The following MARVELD3 variants were observed in gnomAD, a reference collection of about 807,000 sequenced individuals.
MARVELD3 encodes the protein MARVEL domain-containing protein 3.
MARVELD3 carries 28 observed loss-of-function variants against 33.5 expected under a neutral mutation model. The observed-to-expected ratio is 0.84, with a 90% CI of 0.62 to 1.15. The LOEUF is 1.15. MARVELD3 is among the 50% of genes most tolerant of loss of function. The probability of loss-of-function intolerance (pLI) is 0.00; values close to 1 mark genes in which losing one functional copy is unlikely to be tolerated. For synonymous variants in MARVELD3, 241 were observed against 230.4 expected (o/e 1.05, Z -0.42); for missense variants, 582 against 547.6 (o/e 1.06, Z -0.63).
At position 71,626,355 on chromosome 16, in the gene MARVELD3, C is replaced by A. The variant is rs2044467930; in HGVS notation, c.126C>A (p.Arg42=). The change falls in exon 1 of 3, where the codon CGC becomes CGA. Residue 42 remains arginine, a synonymous_variant. Transcript: ENST00000268485. This position sits in a 1 kb window ranked among gnomAD's most constrained non-coding sequence, Gnocchi z 5.3. ...CGCGGGACCGACCCGGGGACCCGCG[C>A]AGGAAGCGAAGCAGCGACGGGAACC... ...DRPRDRPGDP[R]RKRSSDGNRR... is the part of the protein sequence containing the mutation. The A allele has an allele frequency of 5.8e-6, 9 of 1,548,024 alleles. No individual in the cohort carries two copies. The highest frequency in any genetic ancestry group is 7.0e-6 in the Non-Finnish European group (8 of 1,146,720).
At chr16:71,640,819 C>T (rs1254924175), downstream of MARVELD3, 28 of 1,614,246 alleles carry the variant, frequency 1.7e-5, no homozygotes, top group Non-Finnish European at 2.4e-5. Flanking sequence ...AGGCTCTATG[C>T]CCGCAAGGGT....
chr16:71,640,539 C>T, downstream of MARVELD3: 3 of 1,614,190 alleles, frequency 1.9e-6, no homozygotes, highest in Non-Finnish European at 2.5e-6. Context: ...GGGCACTGAG[C>T]TAGAGCAGGT....
At position 71,626,776 on chromosome 16, in the gene MARVELD3, C is replaced by A; in HGVS notation, c.467+80C>A. ...CCGGCCCGCGAGGCCCTGGCGTCCC[C>A]GGGTTCTCGTCCTAGGAGCCCGTTT... On this transcript the variant is annotated intron_variant, in intron 1 of 2. Transcript: ENST00000268485. The surrounding 1 kb of genome is among the most constrained non-coding windows in gnomAD (Gnocchi z 5.3). 8.2e-7 allele frequency: 1 copy of A among 1,212,594 alleles called. No individual in the cohort carries two copies. The highest frequency in any genetic ancestry group is 1.1e-6 in the Non-Finnish European group (1 of 925,834). The allele number at this position is 1,212,594 out of a possible 1,614,324, so 75.1% of individuals were successfully genotyped here.
In MARVELD3 at chr16:71,634,829, G is replaced by C. The variant is rs1054165903; in HGVS notation, c.*26G>C. On this transcript the variant is annotated 3_prime_UTR_variant, in exon 3 of 3. Transcript: ENST00000268485. ...GGGTTTCTAAAACGCTCTGACAGAT[G>C]CAAGTGGTGGTGGAAGGTAGTCTGA... 4.5e-6 allele frequency: 7 copies of C among 1,551,542 alleles called. No homozygotes were observed. Among genetic ancestry groups the C allele is most frequent in the South Asian group, 1.2e-5 (1 of 80,392 alleles).
In MARVELD3 at chr16:71,629,453, T is replaced by C; in HGVS notation, c.554T>C (p.Leu185Pro). The C allele has an allele frequency of 6.3e-7, 1 of 1,577,566 alleles. No homozygotes were observed. The highest frequency in any genetic ancestry group is 8.6e-7 in the Non-Finnish European group (1 of 1,165,986). ...TATTACCAGTCAGAGGCGGAAGGACTCCTGGAATGCCACAAATGCAAATAC... is the reference window on the plus strand; with the variant it reads ...TATTACCAGTCAGAGGCGGAAGGACCCCTGGAATGCCACAAATGCAAATAC... ...VEYYQSEAEG[L>P]LECHKCKYLC... Residue 185 changes from leucine to proline, a missense_variant, in exon 2 of 3, where the codon CTC becomes CCC. Transcript: ENST00000268485.
chr16:71,633,568 A>AT (rs1275909170), intron 2 of MARVELD3, among the ~76,000 whole-genome samples: 1 of 151,322 alleles, frequency 6.6e-6, no homozygotes, highest in Non-Finnish European at 1.5e-5. Flanking sequence ...TAATTTTTGT[A>AT]TTTTTTAGTA....
At chr16:71,640,513 A>T, downstream of MARVELD3, 1 of 1,614,086 alleles carries the variant, frequency 6.2e-7, no homozygotes. Flanking sequence ...GGGAACAACT[A>T]CTACTCACCG....
downstream of MARVELD3, chr16:71,640,255 A>T: frequency 1.0e-6 from 1 of 977,246 alleles, no homozygotes; most frequent in Non-Finnish European, 1.5e-6. Flanking sequence ...TGACAGAGTG[A>T]CACCGTCTCA....
intron 2 of MARVELD3, 94 bp from the exon 3 acceptor site, chr16:71,634,099 G>A (rs967605214): frequency 8.4e-5 from 129 of 1,526,910 alleles, no homozygotes; most frequent in Non-Finnish European, 1.1e-4. Context: ...AGCCTTCAGG[G>A]GTCTGAGCCC....
intron 1 of MARVELD3, among the ~76,000 whole-genome samples, chr16:71,627,653 C>T (rs1048586915): frequency 2.6e-5 from 4 of 152,012 alleles, no homozygotes; most frequent in African/African-American, 9.7e-5. Flanking sequence ...CCCACGGCTG[C>T]TTGAGACCGC....
intron 2 of MARVELD3, among the ~76,000 whole-genome samples, chr16:71,631,029 G>A (rs1167125099): frequency 6.6e-6 from 1 of 152,178 alleles, no homozygotes; most frequent in Non-Finnish European, 1.5e-5. Context: ...GGTTTACTAT[G>A]ACTAAGGGAG....
chr16:71,629,570 C>T, intron 2 of MARVELD3, 76 bp downstream of exon 2: 1 of 1,412,132 alleles, frequency 7.1e-7, no homozygotes, highest in Non-Finnish European at 9.3e-7. Flanking sequence ...GCTGGTGAAG[C>T]AAAAATTTAA....
At chr16:71,628,569 G>A (rs1476645247) in intron 1 of MARVELD3, among the ~76,000 whole-genome samples, 2 of 151,712 alleles carry the variant, frequency 1.3e-5, no homozygotes, top group Non-Finnish European at 2.9e-5. Flanking sequence ...GACTGAGGAG[G>A]AAGAGGAAAG....
In MARVELD3 at chr16:71,626,370, C is replaced by T; in HGVS notation, c.141C>T (p.Ser47=). The T allele has an allele frequency of 6.5e-7, 1 of 1,547,940 alleles. No homozygotes were observed. The change falls in exon 1 of 3, where the codon AGC becomes AGT. Residue 47 remains serine (S), a synonymous_variant. Coordinates refer to ENST00000268485, the MANE Select transcript of MARVELD3 (RefSeq NM_052858.6). The surrounding 1 kb of genome is among the most constrained non-coding windows in gnomAD (Gnocchi z 5.3). ...GGGACCCGCGCAGGAAGCGAAGCAG[C>T]GACGGGAACCGGCGAAGGGACGGGG... The part of the protein sequence containing the change: ...RPGDPRRKRS[S]DGNRRRDGDR...
At chr16:71,633,013 C>T (rs1317775082) in intron 2 of MARVELD3, among the ~76,000 whole-genome samples, 1 of 152,048 alleles carries the variant, frequency 6.6e-6, no homozygotes, top group Non-Finnish European at 1.5e-5. Flanking sequence ...CTGTGATTTT[C>T]TTCAAACTTG....
intron 2 of MARVELD3, among the ~76,000 whole-genome samples, chr16:71,632,585 TTTC>T (rs1272893895): frequency 1.3e-5 from 2 of 151,722 alleles, no homozygotes; most frequent in Non-Finnish European, 2.9e-5. Context: ...ATTTTTCCTA[TTTC>T]TTTTTTTTTT....
rs762464564 is a variant in MARVELD3, at chr16:71,634,594, G to A, written c.997G>A (p.Gly333Ser). The change falls in exon 3 of 3, where the codon GGC becomes AGC. Residue 333 changes from glycine (G) to serine (S), a missense_variant. Physicochemically the swap from Gly to Ser is moderately conservative, Grantham distance 56 (BLOSUM62 0). Transcript: ENST00000268485. ...CTTCCACTACCTCTCTGCTGCCTAT[G>A]GCTCTCCTGTGTGTAAAGAGAGGCA... The part of the protein sequence containing the change: ...FYFHYLSAAY[G>S]SPVCKERQAL... 1 of 1,614,170 alleles carries A rather than the reference G, an allele frequency of 6.2e-7. No homozygotes were observed. Among genetic ancestry groups the A allele is most frequent in the Non-Finnish European group, 8.5e-7 (1 of 1,180,036 alleles).
chr16:71,629,370 A>C lies in MARVELD3; in HGVS notation c.471A>C (p.Glu157Asp), dbSNP rs1269938121. 2 of 1,543,422 alleles carry C rather than the reference A, an allele frequency of 1.3e-6. No homozygotes were observed. Among genetic ancestry groups the C allele is most frequent in the East Asian group, 5.1e-5 (2 of 38,996 alleles). ...GDPGRRRPES[E>D]PPSERYLPST... is the part of the protein sequence containing the mutation. ...CATGTATGCTTTTTGGTTATAGTGA[A>C]CCCCCTTCGGAGAGATATCTGCCCT... Residue 157 changes from glutamate to aspartate, a missense_variant, in exon 2 of 3, where the codon GAA (glutamate) becomes GAC (aspartate). Coordinates refer to ENST00000268485, the MANE Select transcript of MARVELD3 (RefSeq NM_052858.6).
At chr16:71,630,373 C>A (rs999793693) in intron 2 of MARVELD3, among the ~76,000 whole-genome samples, 1 of 151,990 alleles carries the variant, frequency 6.6e-6, no homozygotes, top group Non-Finnish European at 1.5e-5. Flanking sequence ...CGCCTGTAAT[C>A]CCAGCACTTT....
Sources: allele counts gnomAD v4.1 joint callset (sites outside exome capture counted in the v4.1 genomes callset), GRCh38; gene constraint gnomAD v4.1.1; non-coding constraint Gnocchi (gnomAD v3.1); transcripts MANE v1.5; gene names NCBI Gene and HGNC (gene_info 2026-07-23, HGNC 2026-07-21).